CENPW: variants seen among roughly 807,000 people sequenced by gnomAD.
The protein encoded by CENPW is cancer-up-regulated gene 2 protein.
A neutral mutation model predicts 11.1 loss-of-function variants in CENPW; 3 were observed. The ratio of observed to expected loss-of-function variants is 0.27; its 90% confidence interval spans 0.12 to 0.70. The LOEUF (loss-of-function observed/expected upper bound fraction) is 0.70, where lower values mean the gene tolerates loss of function less well. CENPW is among the 30% of genes least tolerant of loss of function. The probability of loss-of-function intolerance (pLI) is 0.77; values close to 1 mark genes in which losing one functional copy is unlikely to be tolerated. For missense variants in CENPW, 100 were observed against 105.6 expected, an observed-to-expected ratio of 0.95 and a Z score of 0.23; for synonymous variants, 38 against 42.0, an observed-to-expected ratio of 0.91 and a Z score of 0.37.
chr6:126,471,378 G>A, the CENPW span, among the ~76,000 whole-genome samples: 13 of 151,960 alleles, frequency 8.6e-5, no homozygotes. Context: ...GTTTCTTGAA[G>A]CCTCCCCAGC....
the CENPW span, among the ~76,000 whole-genome samples, chr6:126,392,618 T>G: frequency 1.3e-5 from 2 of 152,014 alleles, no homozygotes; most frequent in African/African-American, 4.8e-5. Flanking sequence ...GATTTGCATG[T>G]GTTGAACCAT....
the CENPW span, among the ~76,000 whole-genome samples, chr6:126,444,068 C>T: frequency 2.7e-3 from 391 of 145,888 alleles, no homozygotes; most frequent in African/African-American, 9.2e-3. Context: ...TTTTTTTTTC[C>T]TTTATAAGTG....
the CENPW span, among the ~76,000 whole-genome samples, chr6:126,407,404 T>C: frequency 6.6e-6 from 1 of 152,214 alleles, no homozygotes; most frequent in African/African-American, 2.4e-5. Context: ...TACATGTGCA[T>C]GTATCTTTAT....
the CENPW span, among the ~76,000 whole-genome samples, chr6:126,470,690 C>T: frequency 6.6e-6 from 1 of 152,234 alleles, no homozygotes; most frequent in South Asian, 2.1e-4. Flanking sequence ...GGGGCTGTGC[C>T]CTGTACAGCC....
chr6:126,459,277 T>A, the CENPW span, among the ~76,000 whole-genome samples: 2 of 151,392 alleles, frequency 1.3e-5, no homozygotes, highest in Admixed American at 1.3e-4. Flanking sequence ...AGAGTCTATA[T>A]TTTAGAGAAT....
chr6:126,361,176 A>G, the CENPW span, among the ~76,000 whole-genome samples: 24 of 152,346 alleles, frequency 1.6e-4, no homozygotes, highest in Admixed American at 4.6e-4. Context: ...ACAGGGATGT[A>G]TATTAGATAA....
At chr6:126,442,231 G>A in the CENPW span, among the ~76,000 whole-genome samples, 33 of 151,520 alleles carry the variant, frequency 2.2e-4, no homozygotes, top group Non-Finnish European at 4.0e-4. Context: ...TCATATGTTT[G>A]TTGGCCATTT....
chr6:126,372,613 A>G, the CENPW span, among the ~76,000 whole-genome samples: 1 of 152,272 alleles, frequency 6.6e-6, no homozygotes, highest in East Asian at 1.9e-4. Flanking sequence ...TTGTACAGCT[A>G]AAGGTAATTA....
chr6:126,360,512 A>G, the CENPW span, among the ~76,000 whole-genome samples: 39 of 152,140 alleles, frequency 2.6e-4, no homozygotes, highest in Non-Finnish European at 5.1e-4. Flanking sequence ...TGTAACCTCA[A>G]ATATATTTTC....
chr6:126,436,559 G>T, the CENPW span, among the ~76,000 whole-genome samples: 1 of 151,768 alleles, frequency 6.6e-6, no homozygotes, highest in Non-Finnish European at 1.5e-5. Context: ...ATACTTCCAT[G>T]ATGTTAAGGA....
At chr6:126,389,886 C>G in the CENPW span, among the ~76,000 whole-genome samples, 1 of 151,782 alleles carries the variant, frequency 6.6e-6, no homozygotes, top group Non-Finnish European at 1.5e-5. Context: ...CCCGAAATGC[C>G]CAAATTCATT....
the CENPW span, among the ~76,000 whole-genome samples, chr6:126,445,253 GT>G: frequency 6.6e-6 from 1 of 151,140 alleles, no homozygotes; most frequent in Non-Finnish European, 1.5e-5. Context: ...CTGATACCAT[GT>G]GGGTCTGATA....
the CENPW span, among the ~76,000 whole-genome samples, chr6:126,361,975 G>A: frequency 1.3e-5 from 2 of 152,134 alleles, no homozygotes; most frequent in African/African-American, 4.8e-5. Context: ...TGGCTCTGCT[G>A]GGGGATACAA....
the CENPW span, among the ~76,000 whole-genome samples, chr6:126,442,849 C>T: frequency 6.6e-6 from 1 of 151,188 alleles, no homozygotes; most frequent in Non-Finnish European, 1.5e-5. Context: ...CTTAAAATGA[C>T]AGGGTTGGGG....
chr6:126,373,107 A>C, the CENPW span, among the ~76,000 whole-genome samples: 1 of 152,230 alleles, frequency 6.6e-6, no homozygotes, highest in Non-Finnish European at 1.5e-5. Context: ...AAATGGTAGC[A>C]TAATAATGTT....
chr6:126,442,243 T>A, the CENPW span, among the ~76,000 whole-genome samples: 1 of 151,640 alleles, frequency 6.6e-6, no homozygotes, highest in African/African-American at 2.4e-5. Context: ...TGGCCATTTG[T>A]ATAGCTTCTT....
At chr6:126,371,952 T>C in the CENPW span, among the ~76,000 whole-genome samples, 9 of 152,186 alleles carry the variant, frequency 5.9e-5, no homozygotes, top group Non-Finnish European at 1.5e-5. Flanking sequence ...TCATTTCTAA[T>C]TGAGCTTATT....
chr6:126,369,174 T>C, the CENPW span, among the ~76,000 whole-genome samples: 2 of 152,198 alleles, frequency 1.3e-5, no homozygotes, highest in African/African-American at 4.8e-5. Context: ...CACAATTTCT[T>C]TACCCACTCG....
chr6:126,441,798 G>T, the CENPW span, among the ~76,000 whole-genome samples: 2 of 151,558 alleles, frequency 1.3e-5, no homozygotes, highest in African/African-American at 2.4e-5. Flanking sequence ...TCCTTTCAGG[G>T]CTGAGTAGTA....
Sources: allele counts gnomAD v4.1 joint callset (sites outside exome capture counted in the v4.1 genomes callset), GRCh38; gene constraint gnomAD v4.1.1; transcripts MANE v1.5; gene names NCBI Gene and HGNC (gene_info 2026-07-23, HGNC 2026-07-21).